TMCO6: variants seen among roughly 807,000 people sequenced by gnomAD.
The protein encoded by TMCO6 is transmembrane and coiled-coil domains 6.
TMCO6 carries 47 observed loss-of-function variants against 61.8 expected under a neutral mutation model. The ratio of observed to expected loss-of-function variants is 0.76; its 90% CI spans 0.60 to 0.97. TMCO6 has a LOEUF of 0.97. Ranked by LOEUF, TMCO6 falls within the 50% of genes least tolerant of loss-of-function variation. The probability of loss-of-function intolerance (pLI) is 0.00; values close to 1 mark genes in which losing one functional copy is unlikely to be tolerated. For synonymous variants in TMCO6, 261 were observed against 254.2 expected (o/e 1.03, Z -0.25); for missense variants, 557 against 601.6 (o/e 0.93, Z 0.78).
the TMCO6 span, among the ~76,000 whole-genome samples, chr5:140,624,644 G>C: frequency 1.3e-5 from 2 of 151,766 alleles, no homozygotes; most frequent in African/African-American, 4.8e-5. Flanking sequence ...CTGCCTCCCA[G>C]GTTCAAGTGA....
chr5:140,643,533 A>G, intron 7 of TMCO6, 31 bp from the exon 8 acceptor site: 3 of 1,590,782 alleles, frequency 1.9e-6, no homozygotes, highest in Non-Finnish European at 2.6e-6. Context: ...TTGACTATAT[A>G]CCTAGGGACT....
At chr5:140,631,130 A>G in the TMCO6 span, among the ~76,000 whole-genome samples, 1 of 152,242 alleles carries the variant, frequency 6.6e-6, no homozygotes, top group African/African-American at 2.4e-5. Context: ...TCTAATTCAG[A>G]GACCGACTGT....
the TMCO6 span, chr5:140,633,018 C>T: frequency 1.9e-6 from 3 of 1,614,152 alleles, no homozygotes; most frequent in East Asian, 2.2e-5. Context: ...CCCCATCCAA[C>T]CCCTGTGGCT....
At chr5:140,610,907 G>C in the TMCO6 span, among the ~76,000 whole-genome samples, 1 of 152,018 alleles carries the variant, frequency 6.6e-6, no homozygotes, top group East Asian at 1.9e-4. Flanking sequence ...TCCTTTTGTT[G>C]AGTGTTTTTT....
chr5:140,609,510 C>T, the TMCO6 span: 1 of 161,086 alleles, frequency 6.2e-6, no homozygotes, highest in Non-Finnish European at 1.4e-5. Context: ...CCAGTCTGTT[C>T]ATCTGTTTGG....
At chr5:140,638,403 C>T (rs1002947940), upstream of TMCO6, among the ~76,000 whole-genome samples, 42 of 152,048 alleles carry the variant, frequency 2.8e-4, no homozygotes. Context: ...CTGATAACGT[C>T]TTGTACTGTG....
At chr5:140,630,825 T>C in the TMCO6 span, among the ~76,000 whole-genome samples, 1 of 152,214 alleles carries the variant, frequency 6.6e-6, no homozygotes, top group Non-Finnish European at 1.5e-5. Context: ...CTCTGGACAT[T>C]GGCCAGAGGC....
chr5:140,598,893 A>G, the TMCO6 span, among the ~76,000 whole-genome samples: 2 of 152,142 alleles, frequency 1.3e-5, no homozygotes, highest in Non-Finnish European at 2.9e-5. Flanking sequence ...CGGAGATCAC[A>G]CCACTGCACT....
upstream of TMCO6, among the ~76,000 whole-genome samples, chr5:140,635,033 CGG>C (rs1756735123): frequency 6.6e-6 from 1 of 151,094 alleles, no homozygotes; most frequent in Non-Finnish European, 1.5e-5. Flanking sequence ...TCACCTGCCT[CGG>C]CCTCCCAAAG....
At chr5:140,618,064 A>G in the TMCO6 span, among the ~76,000 whole-genome samples, 2 of 152,186 alleles carry the variant, frequency 1.3e-5, no homozygotes, top group Non-Finnish European at 2.9e-5. Context: ...GGTGAAGAAA[A>G]TAGAACAATG....
chr5:140,598,673 G>A, the TMCO6 span, among the ~76,000 whole-genome samples: 4 of 152,132 alleles, frequency 2.6e-5, no homozygotes, highest in African/African-American at 7.2e-5. Flanking sequence ...AGTGGCTTAC[G>A]CCCGTAATCC....
chr5:140,643,692 G>A lies in TMCO6; in HGVS notation c.918+17G>A, dbSNP rs374558474. ...CTGGAGCTGGTAGGTGAAGATGTCA[G>A]GTGAAATTCTGGGAGATGTTTCTTG... On this transcript the variant is annotated intron_variant, in intron 8 of 11. Coordinates refer to ENST00000394671, the MANE Select transcript of TMCO6 (RefSeq NM_018502.5). 1.2e-5 allele frequency: 19 copies of A among 1,606,696 alleles called. No homozygotes were observed. The highest frequency in any genetic ancestry group is 1.4e-5 in the Non-Finnish European group (17 of 1,175,348).
the TMCO6 span, chr5:140,632,660 G>A: frequency 2.5e-5 from 40 of 1,613,706 alleles, no homozygotes; most frequent in East Asian, 8.7e-4. The surrounding 1 kb of genome is among the most constrained non-coding windows in gnomAD (Gnocchi z 6.2). Flanking sequence ...CACGCAGGGC[G>A]CCTACCAGTA....
the TMCO6 span, among the ~76,000 whole-genome samples, chr5:140,620,842 C>T: frequency 9.2e-5 from 14 of 152,128 alleles, no homozygotes; most frequent in African/African-American, 3.4e-4. Context: ...GAGACCTTGC[C>T]TCTACAAAAA....
At chr5:140,603,368 C>T in the TMCO6 span, among the ~76,000 whole-genome samples, 4 of 152,002 alleles carry the variant, frequency 2.6e-5, no homozygotes, top group African/African-American at 7.2e-5. Flanking sequence ...AGTGCAGTGA[C>T]GTGATCTTGG....
rs373704552 is a variant in TMCO6 at position 140,643,970 on chromosome 5, C to T, written c.1105+4C>T. 4.0e-5 allele frequency: 65 copies of T among 1,614,072 alleles called. No homozygotes were observed. The highest frequency in any genetic ancestry group is 1.3e-4 in the East Asian group (6 of 44,882). ...TGGCTCCTCAACAACCTCACTGGTA[C>T]GCACCATAATCTGCCCAGGCCTGGA... is the stretch of plus-strand genomic sequence containing the variant. On this transcript the variant is annotated splice_donor_region_variant and intron_variant, in intron 9 of 11. Coordinates refer to ENST00000394671, the MANE Select transcript of TMCO6 (RefSeq NM_018502.5).
chr5:140,644,714 C>T lies in TMCO6; in HGVS notation c.1342C>T (p.His448Tyr), dbSNP rs1757286933. The part of the protein sequence containing the change: ...EVVGQSLELL[H>Y]LLFLYQPEAV... ...AGTAGGCCAGAGTTTGGAGCTGCTG[C>T]ATCTGCTGTTCCTGTATCAGCCAGA... Residue 448 changes from histidine (H) to tyrosine (Y), a missense_variant, in exon 11 of 12, where the codon CAT (histidine) becomes TAT (tyrosine). His to Tyr is a moderately conservative substitution (Grantham distance 83). Transcript: ENST00000394671. The T allele has an allele frequency of 1.2e-6, 2 of 1,614,234 alleles. No homozygotes were observed. Among genetic ancestry groups the T allele is most frequent in the Non-Finnish European group, 1.7e-6 (2 of 1,180,044 alleles).
the TMCO6 span, chr5:140,633,839 G>A: frequency 6.7e-6 from 1 of 148,592 alleles, no homozygotes. Flanking sequence ...GCTCAGGCTG[G>A]AGTAGAGTGC....
chr5:140,632,442 T>A, the TMCO6 span: 5 of 1,614,098 alleles, frequency 3.1e-6, no homozygotes, highest in South Asian at 2.2e-5. This position sits in a 1 kb window ranked among gnomAD's most constrained non-coding sequence, Gnocchi z 6.2. Context: ...GGCAGGCGAG[T>A]GTGCTTGGGC....
Sources: gnomAD v4.1 joint callset for allele counts (sites outside exome capture counted in the v4.1 genomes callset) on GRCh38, gnomAD v4.1.1 for gene constraint, Gnocchi (gnomAD v3.1) non-coding constraint, MANE v1.5 for transcripts, NCBI Gene and HGNC (gene_info 2026-07-23, HGNC 2026-07-21) for gene names.